Variants in ELAPOR1 observed in about 807,000 individuals in gnomAD.
ELAPOR1 encodes endosome-lysosome associated apoptosis and autophagy regulator 1, also known as endosome/lysosome-associated apoptosis and autophagy regulator 1.
ELAPOR1 carries 77 observed loss-of-function variants against 119.7 expected under a neutral mutation model. That is an observed-to-expected ratio of 0.64 (90% CI 0.54 to 0.78). The LOEUF is 0.78. Ranked by LOEUF, ELAPOR1 falls within the 30% of genes least tolerant of loss-of-function variation. ELAPOR1 has a pLI of 0.00. For synonymous variants in ELAPOR1, 481 were observed against 487.2 expected, an observed-to-expected ratio of 0.99 and a Z score of 0.17; for missense variants, 1,115 against 1,270.4, an observed-to-expected ratio of 0.88 and a Z score of 1.86.
chr1:109,145,980 CA>C (rs1466923072), intron 1 of ELAPOR1, among the ~76,000 whole-genome samples: 6 of 152,052 alleles, frequency 3.9e-5, no homozygotes, highest in African/African-American at 1.4e-4. Flanking sequence ...AGGCAATATT[CA>C]AAGAGAATAT....
chr1:109,200,375 G>A, intron 20 of ELAPOR1, 138 bp downstream of exon 20: 1 of 1,029,788 alleles, frequency 9.7e-7, no homozygotes, highest in East Asian at 2.5e-5. Context: ...GCATGGTTTG[G>A]TTATCCTGAC....
intron 7 of ELAPOR1, among the ~76,000 whole-genome samples, chr1:109,178,005 T>C (rs972536505): frequency 8.1e-6 from 1 of 123,712 alleles, no homozygotes; most frequent in Non-Finnish European, 1.6e-5. Flanking sequence ...TTTTTCTTTT[T>C]TCTTTCTTTT....
Position 109,162,597 on chromosome 1 carries a change from C to A in ELAPOR1, c.274+583C>A, listed in dbSNP as rs79042279. The stretch of plus-strand genomic sequence containing the variant: ...ACTTTTCTACAATTGGCAGCTGTTT[C>A]CCCTGCATTATTCTTTTAGGAATGC... On this transcript the variant is annotated intron_variant, in intron 2 of 21. Transcript: ENST00000369939. Among the ~76,000 whole-genome samples the A allele has an allele frequency of 8.1e-3, 1,236 of 152,290 alleles. 19 individuals are homozygous for A. Among genetic ancestry groups the A allele is most frequent in the African/African-American group, 0.023 (962 of 41,562 alleles).
At chr1:109,177,457 T>G (rs1652409763) in intron 7 of ELAPOR1, among the ~76,000 whole-genome samples, 2 of 106,538 alleles carry the variant, frequency 1.9e-5, no homozygotes, top group Non-Finnish European at 3.7e-5. Context: ...TCTCAGACGA[T>G]GGGTGGCCGG....
At chr1:109,146,087 G>A (rs536290006) in intron 1 of ELAPOR1, among the ~76,000 whole-genome samples, 17 of 152,112 alleles carry the variant, frequency 1.1e-4, no homozygotes, top group Non-Finnish European at 2.5e-4. Flanking sequence ...CGAGGCAGGT[G>A]AAACACTTGA....
At chr1:109,177,740 A>C (rs1478630332) in intron 7 of ELAPOR1, among the ~76,000 whole-genome samples, 2 of 151,798 alleles carry the variant, frequency 1.3e-5, no homozygotes, top group African/African-American at 4.8e-5. Context: ...CCTCTTCCCC[A>C]CTCTGCTTCT....
intron 8 of ELAPOR1, chr1:109,187,295 A>G: frequency 1.0e-6 from 1 of 985,488 alleles, no homozygotes; most frequent in African/African-American, 1.7e-5. Context: ...GTGAGGTTCA[A>G]GCCTGGGGCT....
chr1:109,183,365 A>G (rs969779591), intron 7 of ELAPOR1, among the ~76,000 whole-genome samples: 1 of 148,072 alleles, frequency 6.8e-6, no homozygotes, highest in Non-Finnish European at 1.5e-5. Context: ...AAAGAGAGAG[A>G]GAGAGAAAAG....
intron 1 of ELAPOR1, among the ~76,000 whole-genome samples, chr1:109,142,738 T>C (rs1186353964): frequency 1.3e-5 from 2 of 152,212 alleles, no homozygotes; most frequent in South Asian, 2.1e-4. Context: ...TGGAACAGTT[T>C]GGCAGTTCCT....
intron 1 of ELAPOR1, among the ~76,000 whole-genome samples, chr1:109,116,680 CTTTTTTTT>C (rs71069649): frequency 1.2e-4 from 12 of 96,872 alleles, no homozygotes; most frequent in East Asian, 7.1e-4. Context: ...CTTCTCTGTT[CTTTTTTTT>C]TTTTTTTTTT....
intron 1 of ELAPOR1, among the ~76,000 whole-genome samples, chr1:109,121,209 T>TG (rs766804362): frequency 2.6e-5 from 4 of 152,164 alleles, no homozygotes; most frequent in Non-Finnish European, 5.9e-5. Context: ...TCCAGTGGCG[T>TG]GATCTCGGCT....
chr1:109,189,038 T>G (rs758659225), intron 9 of ELAPOR1, 28 bp from the exon 10 acceptor site: 3 of 1,610,740 alleles, frequency 1.9e-6, no homozygotes, highest in Non-Finnish European at 1.7e-6. Context: ...TCCCACTGAA[T>G]GCATGGATCT....
chr1:109,176,849 C>T (rs911040769), intron 7 of ELAPOR1, among the ~76,000 whole-genome samples: 1 of 142,132 alleles, frequency 7.0e-6, no homozygotes, highest in African/African-American at 2.7e-5. Flanking sequence ...TAACAAAGCA[C>T]ATCTTGCACC....
chr1:109,122,052 A>C (rs563773567), intron 1 of ELAPOR1, among the ~76,000 whole-genome samples: 1 of 149,214 alleles, frequency 6.7e-6, no homozygotes, highest in Non-Finnish European at 1.5e-5. Flanking sequence ...GATTACAGGC[A>C]TGAGCCACCA....
rs1359865438 is a variant in ELAPOR1, at chr1:109,173,720, A to C, written c.835A>C (p.Lys279Gln). The change falls in exon 7 of 22, where the codon AAA (lysine) becomes CAA (glutamine). Residue 279 changes from lysine to glutamine, a missense_variant. Transcript: ENST00000369939. ...VAYTSECFPCKPGTYADKQGS... is the reference protein window; with the variant it reads ...VAYTSECFPCQPGTYADKQGS... ...CTACACTTCAGAATGCTTCCCCTGC[A>C]AACCTGGCACGTATGCAGACAAGCA... 2.5e-6 allele frequency: 4 copies of C among 1,614,184 alleles called. No individual in the cohort carries two copies. The highest frequency in any genetic ancestry group is 1.1e-5 in the South Asian group (1 of 91,086).
chr1:109,196,820 C>T (rs892596662), intron 15 of ELAPOR1, among the ~76,000 whole-genome samples: 59 of 152,148 alleles, frequency 3.9e-4, no homozygotes, highest in African/African-American at 1.2e-3. Context: ...GTAGCTGGGA[C>T]TACAGGCATG....
At chr1:109,147,126 G>T (rs2101011361) in intron 1 of ELAPOR1, among the ~76,000 whole-genome samples, 1 of 150,052 alleles carries the variant, frequency 6.7e-6, no homozygotes, top group East Asian at 2.0e-4. Context: ...ATGTTGGCCA[G>T]GCTGGTCTTG....
chr1:109,114,213 C>A lies in ELAPOR1; in HGVS notation c.30C>A (p.Leu10=). Reference sequence around the variant, plus strand: ...CTGAGCCTGGGCACAGCCACCATCTCTCCGCCAGAGTCAGGGGAAGAACTG... The same window carrying A: ...CTGAGCCTGGGCACAGCCACCATCTATCCGCCAGAGTCAGGGGAAGAACTG... The part of the protein sequence containing the change: MAEPGHSHH[L]SARVRGRTER... Residue 10 remains leucine (L), a synonymous_variant, in exon 1 of 22, where the codon CTC becomes CTA. Coordinates refer to ENST00000369939, the MANE Select transcript of ELAPOR1 (RefSeq NM_020775.5). 6.2e-7 allele frequency: 1 copy of A among 1,604,342 alleles called. No individual in the cohort carries two copies. Among genetic ancestry groups the A allele is most frequent in the African/African-American group, 1.3e-5 (1 of 74,848 alleles).
chr1:109,194,511 G>A lies in ELAPOR1; in HGVS notation c.2038G>A (p.Val680Ile), dbSNP rs1156233239. Residue 680 changes from valine (V) to isoleucine (I), a missense_variant, in exon 15 of 22, where the codon GTC becomes ATC. Physicochemically the swap from Val to Ile is conservative, Grantham distance 29. Coordinates refer to ENST00000369939, the MANE Select transcript of ELAPOR1 (RefSeq NM_020775.5). ...NYNFSALANTVTLAGGPSFTS... is the reference protein window; with the variant it reads ...NYNFSALANTITLAGGPSFTS... ...CAACTTCTCCGCTTTGGCAAACACT[G>A]TCACTCTTGCTGGAGGGCCAAGCTT... is the stretch of plus-strand genomic sequence containing the variant. 5.0e-6 allele frequency: 8 copies of A among 1,613,700 alleles called. No individual in the cohort carries two copies. The highest frequency in any genetic ancestry group is 2.2e-5 in the East Asian group (1 of 44,876).
Sources: allele counts gnomAD v4.1 joint callset (sites outside exome capture counted in the v4.1 genomes callset), GRCh38; gene constraint gnomAD v4.1.1; transcripts MANE v1.5; gene names NCBI Gene and HGNC (gene_info 2026-07-23, HGNC 2026-07-21).